Variants in PLS1 observed in about 807,000 individuals in gnomAD.
The protein encoded by PLS1 is plastin 1.
In PLS1, 32 loss-of-function variants were observed where a neutral mutation model predicts 73.7. The observed-to-expected ratio is 0.43, with a 90% CI of 0.33 to 0.58. The LOEUF (loss-of-function observed/expected upper bound fraction) is 0.58, where lower values mean the gene tolerates loss of function less well. Among genes scored for constraint, PLS1 ranks in the 20% least tolerant of loss-of-function variants. PLS1 has a pLI of 0.04. For missense variants in PLS1, 633 were observed against 740.5 expected (o/e 0.85, Z 1.68); for synonymous variants, 217 against 261.3 (o/e 0.83, Z 1.63).
At chr3:142,636,685 A>G (rs2036700016) in intron 1 of PLS1, among the ~76,000 whole-genome samples, 1 of 152,240 alleles carries the variant, frequency 6.6e-6, no homozygotes, top group African/African-American at 2.4e-5. Flanking sequence ...TATCTAATAA[A>G]GCACCTATAT....
In PLS1 at chr3:142,614,025, A is replaced by G. The variant is rs556652560; in HGVS notation, c.-37+17516A>G. 8.5e-5 allele frequency among the ~76,000 whole-genome samples: 13 copies of G among 152,248 alleles called. 1 individual carries two copies. The highest frequency in any genetic ancestry group is 5.9e-4 in the Admixed American group (9 of 15,286). On this transcript the variant is annotated intron_variant, in intron 1 of 15. Transcript: ENST00000457734. ...ACAGGATATGGCTACTTTTTCTTTC[A>G]TTAGTCCAGATCTTTTAAGGAACTA...
intron 1 of PLS1, among the ~76,000 whole-genome samples, chr3:142,617,286 G>C (rs141092548): frequency 1.3e-4 from 20 of 152,168 alleles, no homozygotes; most frequent in African/African-American, 4.6e-4. Context: ...CAGAATGGAA[G>C]CTTGTTTCCA....
At chr3:142,621,470 C>G (rs567908142) in intron 1 of PLS1, among the ~76,000 whole-genome samples, 29 of 152,120 alleles carry the variant, frequency 1.9e-4, no homozygotes, top group Non-Finnish European at 2.4e-4. Flanking sequence ...TTAAATAAAT[C>G]ATGGTATAGT....
intron 1 of PLS1, among the ~76,000 whole-genome samples, chr3:142,600,958 CTG>C (rs1309380494): frequency 2.7e-3 from 283 of 106,088 alleles, no homozygotes; most frequent in Non-Finnish European, 3.9e-3. Flanking sequence ...GAGTCTCGCT[CTG>C]TGGCCCAGGC....
chr3:142,710,953 G>A (rs1933101090), intron 14 of PLS1, among the ~76,000 whole-genome samples: 2 of 152,096 alleles, frequency 1.3e-5, no homozygotes, highest in Admixed American at 6.6e-5. Context: ...AGTCATTTGA[G>A]CTATCTTAAC....
chr3:142,631,953 A>G (rs1003994325), intron 1 of PLS1, among the ~76,000 whole-genome samples: 1 of 152,214 alleles, frequency 6.6e-6, no homozygotes, highest in Non-Finnish European at 1.5e-5. Flanking sequence ...GGAAGAAGAT[A>G]TTAGTAAATC....
chr3:142,636,240 A>G (rs1194489388), intron 1 of PLS1, among the ~76,000 whole-genome samples: 1 of 152,190 alleles, frequency 6.6e-6, no homozygotes, highest in Non-Finnish European at 1.5e-5. Context: ...TTGTATTTGC[A>G]TAAAGATAGA....
At chr3:142,664,332 G>T in intron 2 of PLS1, 25 bp downstream of exon 2, 6 of 1,194,890 alleles carry the variant, frequency 5.0e-6, no homozygotes, top group Non-Finnish European at 7.4e-6. Context: ...AAGTAAATAT[G>T]ATATTACTGG....
rs779579093 is a variant in PLS1, at chr3:142,689,626, T to G, written c.990T>G (p.Asn330Lys). 2 of 1,550,230 alleles carry G rather than the reference T, an allele frequency of 1.3e-6. No individual in the cohort carries two copies. Among genetic ancestry groups the G allele is most frequent in the East Asian group, 2.4e-5 (1 of 42,314 alleles). Residue 330 changes from asparagine to lysine, a missense_variant, in exon 10 of 16, where the codon AAT (asparagine) becomes AAG (lysine). Coordinates refer to ENST00000457734, the MANE Select transcript of PLS1 (RefSeq NM_001145319.2). ...AIDLSGINET[N>K]DLKRAGLMLQ... ...TTTGTTTTATTGTTTAGGAGACAAA[T>G]GACCTGAAGCGTGCTGGACTCATGC...
chr3:142,667,515 A>G (rs1230296545), intron 2 of PLS1, among the ~76,000 whole-genome samples: 2 of 152,168 alleles, frequency 1.3e-5, no homozygotes, highest in African/African-American at 4.8e-5. Flanking sequence ...AGAAAAAAAC[A>G]ATTTCATGAG....
chr3:142,701,279 G>A (rs2038326977), intron 12 of PLS1, among the ~76,000 whole-genome samples: 1 of 152,148 alleles, frequency 6.6e-6, no homozygotes, highest in Admixed American at 6.5e-5. Context: ...TCTGTTTTTA[G>A]TGTTTTAATT....
chr3:142,651,333 G>A (rs1329585081), intron 1 of PLS1, among the ~76,000 whole-genome samples: 1 of 151,900 alleles, frequency 6.6e-6, no homozygotes, highest in Non-Finnish European at 1.5e-5. Flanking sequence ...ATGGTGATGT[G>A]CACCTGTAAT....
intron 1 of PLS1, among the ~76,000 whole-genome samples, chr3:142,656,393 C>T (rs1194701117): frequency 6.6e-6 from 1 of 152,136 alleles, no homozygotes; most frequent in East Asian, 1.9e-4. Context: ...TATATTTTAC[C>T]CTTTGTCCAA....
At chr3:142,675,864 G>A (rs564487490) in intron 4 of PLS1, among the ~76,000 whole-genome samples, 40 of 151,988 alleles carry the variant, frequency 2.6e-4, no homozygotes, top group African/African-American at 9.2e-4. Flanking sequence ...CAATAGAGAC[G>A]GGGGTTTCTC....
intron 1 of PLS1, among the ~76,000 whole-genome samples, chr3:142,604,935 C>CAACAAAAAA: frequency 8.0e-6 from 1 of 124,452 alleles, no homozygotes; most frequent in South Asian, 2.6e-4. Flanking sequence ...GACTCCGTCT[C>CAACAAAAAA]AAAAAAAAAA....
In PLS1 at chr3:142,616,802, A is replaced by G. The variant is rs2036224145; in HGVS notation, c.-37+20293A>G. Among the ~76,000 whole-genome samples, 6 of 152,196 alleles carry G rather than the reference A, an allele frequency of 3.9e-5. No individual in the cohort carries two copies. The South Asian group carries it at 1.2e-3, about 32-fold the overall frequency. On this transcript the variant is annotated intron_variant, in intron 1 of 15. Transcript: ENST00000457734. Reference sequence around the variant, plus strand: ...ATTTTAGTAGAGATGGGGTTTCACCATGTTGGCCAGGCTGTTCTTGAACTC... The same window carrying G: ...ATTTTAGTAGAGATGGGGTTTCACCGTGTTGGCCAGGCTGTTCTTGAACTC...
chr3:142,604,257 G>C (rs1187562928), intron 1 of PLS1, among the ~76,000 whole-genome samples: 1 of 152,108 alleles, frequency 6.6e-6, no homozygotes, highest in Non-Finnish European at 1.5e-5. Flanking sequence ...GAGGGGGAAA[G>C]GTTTAGACAA....
intron 14 of PLS1, among the ~76,000 whole-genome samples, chr3:142,707,781 G>C (rs1387743782): frequency 1.3e-5 from 2 of 152,162 alleles, no homozygotes; most frequent in Non-Finnish European, 2.9e-5. Context: ...AAGAAAACAA[G>C]AATCACAGTA....
intron 9 of PLS1, among the ~76,000 whole-genome samples, chr3:142,687,004 A>T (rs922236256): frequency 1.3e-5 from 2 of 152,248 alleles, no homozygotes; most frequent in African/African-American, 4.8e-5. Context: ...TCTACAAAAT[A>T]AAAATAGATA....
Sources: gnomAD v4.1 joint callset for allele counts (sites outside exome capture counted in the v4.1 genomes callset) on GRCh38, gnomAD v4.1.1 for gene constraint, MANE v1.5 for transcripts, NCBI Gene and HGNC (gene_info 2026-07-23, HGNC 2026-07-21) for gene names.